BAG2: variants seen among roughly 807,000 people sequenced by gnomAD.
BAG2 encodes the protein BAG cochaperone 2.
In BAG2, 8 loss-of-function variants were observed where a neutral mutation model predicts 16.4. The observed-to-expected ratio is 0.49, with a 90% CI of 0.29 to 0.88. The LOEUF is 0.88. BAG2 is among the 40% of genes least tolerant of loss of function. BAG2 has a pLI of 0.09. For missense variants in BAG2, 218 were observed against 248.9 expected (o/e 0.88, Z 0.84); for synonymous variants, 82 against 89.2 (o/e 0.92, Z 0.46).
chr6:57,177,719 T>A (rs1376653420), intron 1 of BAG2, among the ~76,000 whole-genome samples: 2 of 152,216 alleles, frequency 1.3e-5, no homozygotes, highest in Non-Finnish European at 2.9e-5. Context: ...CCCTGTTTCA[T>A]AGGCGACTGA....
chr6:57,182,108 CA>C lies in BAG2; in HGVS notation c.194del (p.Asn65IlefsTer5). ...CCTTCTGGAAATGATCCACAGTATCCAAAATAGCCAGGACATGAGGCAGATC... is the reference window on the plus strand; with the variant it reads ...CCTTCTGGAAATGATCCACAGTATCCAAATAGCCAGGACATGAGGCAGATC... ...EILLEMIHSI[Q>X]NSQDMRQISD... On this transcript the variant is annotated frameshift_variant, in exon 2 of 3. Transcript: ENST00000370693. LOFTEE classifies it high-confidence loss of function. 6.2e-7 allele frequency: 1 copy of C among 1,614,022 alleles called. No individual in the cohort carries two copies.
At chr6:57,174,155 T>G in intron 1 of BAG2, 3 of 1,039,666 alleles carry the variant, frequency 2.9e-6, no homozygotes, top group Non-Finnish European at 3.5e-6. Flanking sequence ...TAGAAATTGG[T>G]GGCCTCAGTT....
chr6:57,178,321 G>A (rs1331471636), intron 1 of BAG2, among the ~76,000 whole-genome samples: 1 of 152,162 alleles, frequency 6.6e-6, no homozygotes, highest in Admixed American at 6.5e-5. Context: ...TTTAAGGATA[G>A]CAATAGCTGA....
In BAG2 at chr6:57,172,806, C is replaced by G. The variant is rs1764160511; in HGVS notation, c.109C>G (p.Leu37Val). ...GCTGGAGAGCCTGGACCAGCTGGAG[C>G]TCAGGTGAGCTCCGGGCGGGCGGTC... ...RLLESLDQLE[L>V]RVEALREAAT... is the part of the protein sequence containing the mutation. The change falls in exon 1 of 3, where the codon CTC (leucine) becomes GTC (valine). Residue 37 changes from leucine to valine, a missense_variant. Physicochemically the swap from Leu to Val is conservative, Grantham distance 32. Transcript: ENST00000370693. 2.4e-5 allele frequency: 36 copies of G among 1,530,066 alleles called. No individual in the cohort carries two copies. The highest frequency in any genetic ancestry group is 3.1e-5 in the Non-Finnish European group (35 of 1,138,394). 94.8% of individuals were successfully genotyped at this position (1,530,066 alleles called of 1,614,324 possible). A position where few individuals can be genotyped will look rare whatever the true frequency, so the allele number is the denominator to read the frequency against.
At chr6:57,179,934 A>C (rs1764389767) in intron 1 of BAG2, among the ~76,000 whole-genome samples, 1 of 151,894 alleles carries the variant, frequency 6.6e-6, no homozygotes. Context: ...GCCACTGTTT[A>C]ATACAGTACT....
chr6:57,174,274 ATTCTCCTCTCC>A, intron 1 of BAG2: 1 of 1,295,760 alleles, frequency 7.7e-7, no homozygotes, highest in Non-Finnish European at 1.0e-6. Context: ...CAACCACTTC[ATTCTCCTCTCC>A]CTTAGCCAGA....
At position 57,175,769 on chromosome 6, in the gene BAG2, C is replaced by A. The variant is rs954375901; in HGVS notation, c.113+2959C>A. Among the ~76,000 whole-genome samples the A allele has an allele frequency of 2.0e-5, 3 of 152,156 alleles. No individual in the cohort carries two copies. In the South Asian group the frequency reaches 6.2e-4, roughly 32 times the overall value. Reference sequence around the variant, plus strand: ...GTGTGCCCCTTCCCCCTGTACCTCACCCTACACATCTCTTTATCCATGTCC... The same window carrying A: ...GTGTGCCCCTTCCCCCTGTACCTCAACCTACACATCTCTTTATCCATGTCC... On this transcript the variant is annotated intron_variant, in intron 1 of 2. Transcript: ENST00000370693.
chr6:57,175,113 C>T (rs1562639269), intron 1 of BAG2, among the ~76,000 whole-genome samples: 1 of 152,110 alleles, frequency 6.6e-6, no homozygotes, highest in Non-Finnish European at 1.5e-5. Context: ...GTATTTCTTC[C>T]TTCTACAGAG....
rs375792946 is a variant in BAG2 at position 57,172,650 on chromosome 6, C to T, written c.-48C>T. 6.4e-4 allele frequency: 905 copies of T among 1,418,632 alleles called. 14 individuals are homozygous for T. Among genetic ancestry groups the T allele is most frequent in the South Asian group, 6.1e-3 (433 of 71,240 alleles). The allele number at this position is 1,418,632 out of a possible 1,614,324, so 87.9% of individuals were successfully genotyped here. A position where few individuals can be genotyped will look rare whatever the true frequency, so the allele number is the denominator to read the frequency against. ...GCCCAAGGAGCGCTCCACTCGCTGCCGCCGGAGGGGCCGGTGACCTCTTGG... is the reference window on the plus strand; with the variant it reads ...GCCCAAGGAGCGCTCCACTCGCTGCTGCCGGAGGGGCCGGTGACCTCTTGG... On this transcript the variant is annotated 5_prime_UTR_variant, in exon 1 of 3. Transcript: ENST00000370693.
chr6:57,175,515 G>C (rs1764256141), intron 1 of BAG2, among the ~76,000 whole-genome samples: 1 of 152,214 alleles, frequency 6.6e-6, no homozygotes, highest in African/African-American at 2.4e-5. Flanking sequence ...CTATGCCCTG[G>C]AGGAGGGCAT....
rs1178401781 is a variant in BAG2 at position 57,172,596 on chromosome 6, G to A, written c.-102G>A. 8.0e-6 allele frequency: 8 copies of A among 995,830 alleles called. No individual in the cohort carries two copies. The highest frequency in any genetic ancestry group is 1.1e-5 in the Non-Finnish European group (8 of 731,130). 61.7% of individuals were successfully genotyped at this position (995,830 alleles called of 1,614,324 possible). ...CCCGCGGGCGTCAGAGGGAGGGCGGGCGCCCGCGTGGTGACGGCGACGCCT... is the reference window on the plus strand; with the variant it reads ...CCCGCGGGCGTCAGAGGGAGGGCGGACGCCCGCGTGGTGACGGCGACGCCT... On this transcript the variant is annotated 5_prime_UTR_variant, in exon 1 of 3. Transcript: ENST00000370693.
chr6:57,180,571 T>A (rs184634361), intron 1 of BAG2, among the ~76,000 whole-genome samples: 1 of 152,150 alleles, frequency 6.6e-6, no homozygotes, highest in African/African-American at 2.4e-5. Context: ...GTAAATAATG[T>A]TGGGGAAAAT....
chr6:57,181,084 A>G (rs139608371), intron 1 of BAG2, among the ~76,000 whole-genome samples: 42 of 152,334 alleles, frequency 2.8e-4, no homozygotes, highest in African/African-American at 9.1e-4. Context: ...AAAATGCAGA[A>G]TGTTGGTAGG....
chr6:57,174,658 G>A lies in BAG2; in HGVS notation c.113+1848G>A, dbSNP rs77156766. On this transcript the variant is annotated intron_variant, in intron 1 of 2. Transcript: ENST00000370693. ...TAAAAAAGTAATACTAGCTGAAAAG[G>A]AAGGATTTCCGAAGGTAAGCAAAAA... Among the ~76,000 whole-genome samples, 351 of 152,214 alleles carry A rather than the reference G, an allele frequency of 2.3e-3. 2 individuals are homozygous for A. Among genetic ancestry groups the A allele is most frequent in the African/African-American group, 8.0e-3 (331 of 41,530 alleles).
chr6:57,185,058 A>T lies in BAG2; in HGVS notation c.*868A>T, dbSNP rs572810148. 3 of 151,792 alleles carry T rather than the reference A, an allele frequency of 2.0e-5. No homozygotes were observed. The highest frequency in any genetic ancestry group is 7.2e-5 in the African/African-American group (3 of 41,384). The allele number at this position is 151,792 out of a possible 1,614,324, so 9.4% of individuals were successfully genotyped here. On this transcript the variant is annotated 3_prime_UTR_variant, in exon 3 of 3. Transcript: ENST00000370693. ...GTACACAGGACTTTTTCCTTCTTTC[A>T]TTTTTGTTTTTCTCTGTATAAAGGC...
rs3031131 is a variant in BAG2, at chr6:57,185,668, GGTTT to G, written c.*1482_*1485del. 2.6e-4 allele frequency: 40 copies of G among 152,262 alleles called. No individual in the cohort carries two copies. The highest frequency in any genetic ancestry group is 8.7e-4 in the African/African-American group (36 of 41,554). 9.4% of individuals were successfully genotyped at this position (152,262 alleles called of 1,614,324 possible). On this transcript the variant is annotated 3_prime_UTR_variant, in exon 3 of 3. Transcript: ENST00000370693. ...AATTCTATCTATGGCAGAGCCACTT[GGTTT>G]GTTAGCAGACTGATTTGCTGTCATC...
intron 1 of BAG2, among the ~76,000 whole-genome samples, chr6:57,178,113 A>G (rs971015512): frequency 6.6e-6 from 1 of 152,214 alleles, no homozygotes; most frequent in South Asian, 2.1e-4. Flanking sequence ...TAAAAACAGA[A>G]CTGCCCTTCT....
At chr6:57,173,097 GA>G in intron 1 of BAG2, 30 of 1,035,924 alleles carry the variant, frequency 2.9e-5, no homozygotes, top group East Asian at 5.8e-5. Context: ...TTAGGGAGCG[GA>G]AAAAAATCAG....
chr6:57,172,849 C>G (rs751008834), intron 1 of BAG2, 39 bp downstream of exon 1: 1 of 1,418,658 alleles, frequency 7.0e-7, no homozygotes, highest in Non-Finnish European at 9.3e-7. Context: ...TTCTGCTCGC[C>G]GCGCGGGCGG....
Sources: gnomAD v4.1 joint callset for allele counts (sites outside exome capture counted in the v4.1 genomes callset) on GRCh38, gnomAD v4.1.1 for gene constraint, MANE v1.5 for transcripts, NCBI Gene and HGNC (gene_info 2026-07-23, HGNC 2026-07-21) for gene names.